The following ROCK1 variants were observed in gnomAD, a reference collection of about 807,000 sequenced individuals.
ROCK1 encodes Rho associated coiled-coil containing protein kinase 1.
A neutral mutation model predicts 196.8 loss-of-function variants in ROCK1; 36 were observed. The ratio of observed to expected loss-of-function variants is 0.18; its 90% CI spans 0.14 to 0.24. ROCK1 has a LOEUF of 0.24. Among genes scored for constraint, ROCK1 ranks in the 10% least tolerant of loss-of-function variants. ROCK1 has a pLI of 1.00. For missense variants in ROCK1, 920 were observed against 1,562.0 expected (o/e 0.59, Z 6.93); for synonymous variants, 443 against 515.9 (o/e 0.86, Z 1.91).
intron 16 of ROCK1, among the ~76,000 whole-genome samples, chr18:21,003,572 G>C (rs1052817058): frequency 1.3e-5 from 2 of 152,072 alleles, no homozygotes; most frequent in Admixed American, 6.6e-5. Context: ...ATTTACAAAA[G>C]GACAATGTGG....
chr18:21,017,116 G>T (rs747243288), intron 12 of ROCK1, among the ~76,000 whole-genome samples: 1 of 150,858 alleles, frequency 6.6e-6, no homozygotes, highest in Non-Finnish European at 1.5e-5. Flanking sequence ...AACAGTACAG[G>T]CATCTCCTGA....
At chr18:21,024,793 T>C (rs2035942478) in intron 10 of ROCK1, among the ~76,000 whole-genome samples, 1 of 152,168 alleles carries the variant, frequency 6.6e-6, no homozygotes, top group Admixed American at 6.6e-5. Context: ...CAAATGGAGA[T>C]TCAAATAACT....
intron 29 of ROCK1, among the ~76,000 whole-genome samples, chr18:20,957,466 C>G (rs2035254218): frequency 6.6e-6 from 1 of 152,178 alleles, no homozygotes; most frequent in South Asian, 2.1e-4. Context: ...GGAAGAGGCA[C>G]AAGTGAGCTT....
intron 13 of ROCK1, among the ~76,000 whole-genome samples, chr18:21,011,201 TTTTG>T (rs1269296779): frequency 1.3e-5 from 2 of 151,496 alleles, no homozygotes; most frequent in Non-Finnish European, 2.9e-5. Flanking sequence ...AGTCTGCCGT[TTTTG>T]TTTTTTTGTT....
rs2035156786 is a variant in ROCK1, at chr18:20,949,031, T to C, written c.*2353A>G. 6.6e-6 allele frequency: 1 copy of C among 152,056 alleles called. No individual in the cohort carries two copies. The highest frequency in any genetic ancestry group is 6.6e-5 in the Admixed American group (1 of 15,252). The allele number at this position is 152,056 out of a possible 1,614,324, so 9.4% of individuals were successfully genotyped here. A position where few individuals can be genotyped will look rare whatever the true frequency, so the allele number is the denominator to read the frequency against. ...GTATACTTGGGAGTGAGTGGTTTCCTGAACTTAGAAGAGGAAGCAGCTCTC... is the reference window on the plus strand; with the variant it reads ...GTATACTTGGGAGTGAGTGGTTTCCCGAACTTAGAAGAGGAAGCAGCTCTC... On this transcript the variant is annotated 3_prime_UTR_variant, in exon 33 of 33. Transcript: ENST00000399799.
chr18:21,072,990 C>T (rs1379537270), intron 1 of ROCK1, among the ~76,000 whole-genome samples: 13 of 131,366 alleles, frequency 9.9e-5, no homozygotes, highest in Middle Eastern at 5.0e-3. Flanking sequence ...AGGACAATCG[C>T]TTGAACCCGG....
At chr18:21,067,334 G>A (rs559160780) in intron 2 of ROCK1, among the ~76,000 whole-genome samples, 2 of 151,084 alleles carry the variant, frequency 1.3e-5, no homozygotes, top group Admixed American at 6.6e-5. Context: ...TCCTTTATTG[G>A]ACATATGATT....
chr18:20,969,317 A>C, intron 23 of ROCK1, 109 bp from the exon 24 acceptor site: 1 of 591,364 alleles, frequency 1.7e-6, no homozygotes, highest in East Asian at 2.7e-5. Context: ...ACACTGCTGA[A>C]CTACAGCAAA....
At chr18:20,978,730 C>T (rs767833205) in intron 22 of ROCK1, among the ~76,000 whole-genome samples, 1 of 152,090 alleles carries the variant, frequency 6.6e-6, no homozygotes, top group African/African-American at 2.4e-5. Context: ...CCAGTTTCTT[C>T]AACAAATTAG....
At chr18:21,084,345 T>C (rs778735990) in intron 1 of ROCK1, among the ~76,000 whole-genome samples, 1 of 151,880 alleles carries the variant, frequency 6.6e-6, no homozygotes, top group African/African-American at 2.4e-5. Flanking sequence ...ATCCACAGAA[T>C]GGGAGAAAAT....
At chr18:21,058,172 A>C (rs1211461638) in intron 2 of ROCK1, among the ~76,000 whole-genome samples, 1 of 152,238 alleles carries the variant, frequency 6.6e-6, no homozygotes, top group Non-Finnish European at 1.5e-5. Flanking sequence ...AATATGCCAA[A>C]ACAATAACTG....
chr18:21,013,207 C>G (rs1392763322), intron 13 of ROCK1, among the ~76,000 whole-genome samples: 2 of 152,224 alleles, frequency 1.3e-5, no homozygotes, highest in African/African-American at 4.8e-5. Flanking sequence ...TTACAACATT[C>G]TGGATCTTAT....
chr18:20,975,762 C>T (rs2035474697), intron 22 of ROCK1, among the ~76,000 whole-genome samples: 1 of 152,258 alleles, frequency 6.6e-6, no homozygotes, highest in South Asian at 2.1e-4. Flanking sequence ...AGGCACCTGC[C>T]ACCACGCCCG....
At chr18:21,107,195 T>G (rs953844699) in intron 1 of ROCK1, among the ~76,000 whole-genome samples, 16 of 152,208 alleles carry the variant, frequency 1.1e-4, no homozygotes, top group Non-Finnish European at 1.6e-4. Flanking sequence ...TATGGCGTCA[T>G]GTCAGCACTC....
chr18:20,965,784 A>C (rs535242982), intron 27 of ROCK1, among the ~76,000 whole-genome samples: 19 of 152,308 alleles, frequency 1.2e-4, no homozygotes, highest in African/African-American at 4.6e-4. Flanking sequence ...TTGACCACTA[A>C]AATAAGAAAT....
intron 1 of ROCK1, among the ~76,000 whole-genome samples, chr18:21,076,500 T>C (rs942218491): frequency 1.4e-4 from 21 of 152,138 alleles, no homozygotes; most frequent in African/African-American, 5.1e-4. Flanking sequence ...GGAGAGTCTG[T>C]CTCAAACAAA....
chr18:21,097,887 G>A (rs560062309), intron 1 of ROCK1, among the ~76,000 whole-genome samples: 2 of 152,210 alleles, frequency 1.3e-5, no homozygotes, highest in Non-Finnish European at 2.9e-5. Context: ...ACCTGGGTGG[G>A]AGTGAAAAAT....
At chr18:21,034,584 T>A (rs1341398715) in intron 9 of ROCK1, among the ~76,000 whole-genome samples, 4 of 152,194 alleles carry the variant, frequency 2.6e-5, no homozygotes, top group Non-Finnish European at 5.9e-5. Context: ...TTAGGAAAAC[T>A]GGATATCCAC....
intron 1 of ROCK1, among the ~76,000 whole-genome samples, chr18:21,109,112 T>G (rs762069690): frequency 3.3e-5 from 5 of 152,220 alleles, no homozygotes; most frequent in Non-Finnish European, 5.9e-5. Context: ...TTCTCTCAAT[T>G]TCCAAGAACA....
Sources: gnomAD v4.1 joint callset for allele counts (sites outside exome capture counted in the v4.1 genomes callset) on GRCh38, gnomAD v4.1.1 for gene constraint, MANE v1.5 for transcripts, NCBI Gene and HGNC (gene_info 2026-07-23, HGNC 2026-07-21) for gene names.